CFAP43: variants seen among roughly 807,000 people sequenced by gnomAD.
CFAP43 encodes cilia- and flagella-associated protein 43.
In CFAP43, 155 loss-of-function variants were observed where a neutral mutation model predicts 218.9. The observed-to-expected ratio is 0.71, with a 90% CI of 0.62 to 0.81. The LOEUF (loss-of-function observed/expected upper bound fraction) is 0.81. Ranked by LOEUF, CFAP43 falls within the 30% of genes least tolerant of loss-of-function variation. The pLI is 0.00. For missense variants in CFAP43, 1,778 were observed against 1,954.3 expected, an observed-to-expected ratio of 0.91 and a Z score of 1.70; for synonymous variants, 645 against 681.3, an observed-to-expected ratio of 0.95 and a Z score of 0.83.
In CFAP43 at chr10:104,168,828, C is replaced by G; in HGVS notation, c.2607G>C (p.Met869Ile). The change falls in exon 21 of 38, where the codon ATG becomes ATC. Residue 869 changes from methionine (M) to isoleucine (I), a missense_variant. Around this residue, in one of 3 missense-constraint regions of CFAP43, gnomAD observed 1,553 missense variants for 1,685.2 expected, o/e 0.92. Coordinates refer to ENST00000357060, the MANE Select transcript of CFAP43 (RefSeq NM_025145.7). The part of the protein sequence containing the change: ...EVAKMIKDVE[M>I]HNLAKSYLAE... ...CCAAATAGCTCTTGGCTAAGTTATG[C>G]ATCTCTACATCCTTTATCATCTTGA... 1 of 1,613,004 alleles carries G rather than the reference C, an allele frequency of 6.2e-7. No individual in the cohort carries two copies.
intron 2 of CFAP43, among the ~76,000 whole-genome samples, chr10:104,226,301 C>CT (rs2091303212): frequency 6.6e-6 from 1 of 152,098 alleles, no homozygotes; most frequent in African/African-American, 2.4e-5. Flanking sequence ...CTGTTTTCTG[C>CT]TTTTTTTCTC....
At chr10:104,231,953 G>A (rs967760439) in intron 1 of CFAP43, among the ~76,000 whole-genome samples, 1 of 151,996 alleles carries the variant, frequency 6.6e-6, no homozygotes, top group African/African-American at 2.4e-5. Flanking sequence ...CGCAGAATAA[G>A]GAGTGGGAAA....
chr10:104,184,166 C>G lies in CFAP43; in HGVS notation c.2141+850G>C, dbSNP rs1446041151. Among the ~76,000 whole-genome samples, 2 of 152,160 alleles carry G rather than the reference C, an allele frequency of 1.3e-5. 1 individual carries two copies. Among genetic ancestry groups the G allele is most frequent in the Non-Finnish European group, 2.9e-5 (2 of 68,032 alleles). On this transcript the variant is annotated intron_variant, in intron 16 of 37. Transcript: ENST00000357060. ...TCCATCTTGTTTCTAGTCTCACAGG[C>G]TGGATGTTCTTGTTCATTCCTCCTA...
At chr10:104,222,340 A>G (rs534592946) in intron 3 of CFAP43, among the ~76,000 whole-genome samples, 1 of 152,342 alleles carries the variant, frequency 6.6e-6, no homozygotes, top group East Asian at 1.9e-4. Flanking sequence ...ATTGGGCCTC[A>G]TCACAGGATT....
rs138539041 is a variant in CFAP43 at position 104,143,609 on chromosome 10, T to G, written c.3975A>C (p.Thr1325=). The change falls in exon 32 of 38, where the codon ACA becomes ACC. Residue 1325 remains threonine (T), a synonymous_variant. Transcript: ENST00000357060. The part of the protein sequence containing the change: ...RISKQKTHSE[T]TSVVPFGELP... ...GTTCTCCGAAAGGGACAACGCTGGT[T>G]GTTTCTGAGTGCGTTTTCTGTTTGG... The G allele has an allele frequency of 3.2e-5, 51 of 1,614,222 alleles. No homozygotes were observed. The African/African-American group carries it at 6.4e-4, about 20-fold the overall frequency.
chr10:104,177,148 G>A (rs140212544), intron 19 of CFAP43, among the ~76,000 whole-genome samples: 6 of 152,070 alleles, frequency 3.9e-5, no homozygotes, highest in African/African-American at 1.4e-4. Context: ...AATGCCCATC[G>A]AAGTCTAGCA....
rs753930633 is a variant in CFAP43 at position 104,198,019 on chromosome 10, G to A, written c.1115C>T (p.Thr372Ile). 1.9e-6 allele frequency: 3 copies of A among 1,609,566 alleles called. No homozygotes were observed. In the South Asian group the frequency reaches 3.3e-5, roughly 18 times the overall value. Reference protein sequence around the residue: ...QTDKGSVYIYTFGKEPTLNKV... With the variant: ...QTDKGSVYIYIFGKEPTLNKV... ...ATTTAAGGTTGGCTCCTTACCAAAA[G>A]TGTAGATATAAACAGATCCCTGATA... The change falls in exon 9 of 38, where the codon ACT (threonine) becomes ATT (isoleucine). Residue 372 changes from threonine (T) to isoleucine (I), a missense_variant. This residue lies in a region of CFAP43 where 1,553 missense variants were observed against 1,685.2 expected (regional missense o/e 0.92). Coordinates refer to ENST00000357060, the MANE Select transcript of CFAP43 (RefSeq NM_025145.7).
intron 16 of CFAP43, among the ~76,000 whole-genome samples, chr10:104,184,814 C>T (rs1303490468): frequency 6.6e-6 from 1 of 152,156 alleles, no homozygotes; most frequent in African/African-American, 2.4e-5. Context: ...CCTCTCTCAG[C>T]CTCCTGACCC....
At chr10:104,225,618 G>A in intron 2 of CFAP43, 61 bp from the exon 3 acceptor site, 2 of 1,326,878 alleles carry the variant, frequency 1.5e-6, no homozygotes, top group Admixed American at 2.3e-5. Context: ...AGTTAACTAT[G>A]GTCTTACAGT....
At chr10:104,188,520 GA>G in intron 12 of CFAP43, 110 bp from the exon 13 acceptor site, 1 of 1,346,352 alleles carries the variant, frequency 7.4e-7, no homozygotes, top group Admixed American at 2.5e-5. Flanking sequence ...TATATCTTTA[GA>G]ATCAAATTAT....
intron 5 of CFAP43, among the ~76,000 whole-genome samples, chr10:104,208,509 T>C (rs1472381219): frequency 2.0e-5 from 3 of 152,162 alleles, no homozygotes; most frequent in Non-Finnish European, 4.4e-5. Flanking sequence ...TTTGATGACA[T>C]TTAAAAATGA....
chr10:104,223,933 T>C (rs1287994250), intron 3 of CFAP43, among the ~76,000 whole-genome samples: 2 of 152,324 alleles, frequency 1.3e-5, no homozygotes, highest in South Asian at 2.1e-4. Context: ...TGTCACTCCC[T>C]GTATATGAAC....
chr10:104,232,343 C>A lies in CFAP43; in HGVS notation c.-97G>T. On this transcript the variant is annotated 5_prime_UTR_variant, in exon 1 of 38. Transcript: ENST00000357060. ...CGCCGCGGGGCTGCGGGCCGCGACG[C>A]CGCTGCTGTGTACACCCGTATCCCG... The A allele has an allele frequency of 7.9e-7, 1 of 1,270,678 alleles. No individual in the cohort carries two copies. 78.7% of individuals were successfully genotyped at this position (1,270,678 alleles called of 1,614,324 possible). A position where few individuals can be genotyped will look rare whatever the true frequency, so the allele number is the denominator to read the frequency against.
intron 16 of CFAP43, 109 bp downstream of exon 16, chr10:104,184,907 A>G (rs1480651562): frequency 3.4e-6 from 5 of 1,483,274 alleles, no homozygotes; most frequent in Non-Finnish European, 4.5e-6. Flanking sequence ...CTTTCTTTGC[A>G]CTGGCAGTGG....
At chr10:104,222,120 C>T (rs988744825) in intron 3 of CFAP43, among the ~76,000 whole-genome samples, 1 of 152,180 alleles carries the variant, frequency 6.6e-6, no homozygotes, top group South Asian at 2.1e-4. Context: ...CAATTTACTT[C>T]CAGGAGTCAA....
intron 3 of CFAP43, chr10:104,218,981 T>A: frequency 5.1e-6 from 2 of 394,242 alleles, no homozygotes; most frequent in Non-Finnish European, 9.8e-6. Context: ...AGGAAACACA[T>A]GTTGGTGATT....
intron 3 of CFAP43, among the ~76,000 whole-genome samples, chr10:104,218,347 CAAAAAAAAAAAA>C (rs68078522): frequency 4.1e-4 from 40 of 98,696 alleles, no homozygotes; most frequent in Middle Eastern, 6.8e-3. Context: ...GACTGTGTCT[CAAAAAAAAAAAA>C]AAAAAAAAAA....
chr10:104,172,329 T>C (rs2089445015), intron 20 of CFAP43, 81 bp downstream of exon 20: 11 of 1,522,720 alleles, frequency 7.2e-6, no homozygotes, highest in Non-Finnish European at 9.7e-6. Flanking sequence ...ATTCACATTA[T>C]TATGAAAAAG....
intron 28 of CFAP43, 60 bp downstream of exon 28, chr10:104,152,547 A>G: frequency 6.2e-7 from 1 of 1,600,266 alleles, no homozygotes; most frequent in South Asian, 1.1e-5. Context: ...CTTCATCCTA[A>G]GAACCATGGA....
Sources: gnomAD v4.1 joint callset for allele counts (sites outside exome capture counted in the v4.1 genomes callset) on GRCh38, gnomAD v4.1.1 for gene constraint, gnomAD v4.1.1 regional missense constraint, MANE v1.5 for transcripts, NCBI Gene and HGNC (gene_info 2026-07-23, HGNC 2026-07-21) for gene names.